MITF: variants seen among roughly 807,000 people sequenced by gnomAD.
MITF encodes melanocyte inducing transcription factor, also known as microphthalmia-associated transcription factor.
Under a neutral mutation model 60.5 loss-of-function variants are expected in MITF, and 17 were observed. The observed-to-expected ratio is 0.28, with a 90% CI of 0.19 to 0.42. The LOEUF (loss-of-function observed/expected upper bound fraction) is 0.42. MITF is among the 10% of genes least tolerant of loss of function. The pLI is 1.00. For synonymous variants in MITF, 260 were observed against 248.5 expected, an observed-to-expected ratio of 1.05 and a Z score of -0.43; for missense variants, 622 against 683.5, an observed-to-expected ratio of 0.91 and a Z score of 1.00.
intron 7 of MITF, among the ~76,000 whole-genome samples, chr3:69,955,467 G>A (rs2066373346): frequency 6.6e-6 from 1 of 151,998 alleles, no homozygotes; most frequent in Admixed American, 6.6e-5. Context: ...ACTAGGCTAG[G>A]GCATGGGTTT....
chr3:69,764,940 G>A (rs1401295946), intron 1 of MITF, among the ~76,000 whole-genome samples: 1 of 152,134 alleles, frequency 6.6e-6, no homozygotes, highest in Non-Finnish European at 1.5e-5. Flanking sequence ...CTGGGCCTCA[G>A]GCTTTCTTAT....
chr3:69,868,739 A>G (rs2064164440), intron 1 of MITF, among the ~76,000 whole-genome samples: 1 of 152,070 alleles, frequency 6.6e-6, no homozygotes, highest in African/African-American at 2.4e-5. Flanking sequence ...TCTCTACTAA[A>G]AATACAAAAA....
intron 1 of MITF, among the ~76,000 whole-genome samples, chr3:69,848,382 A>G (rs2107168020): frequency 6.6e-6 from 1 of 152,326 alleles, no homozygotes; most frequent in South Asian, 2.1e-4. Context: ...GCCATGGAAT[A>G]TTTTAAAGAG....
intron 1 of MITF, among the ~76,000 whole-genome samples, chr3:69,848,957 CTTTTTTTT>C (rs55969316): frequency 7.0e-4 from 51 of 73,302 alleles, no homozygotes; most frequent in African/African-American, 2.1e-3. Context: ...AAAGATTCTT[CTTTTTTTT>C]TTTTTTTTTT....
At chr3:69,831,437 G>A (rs777186672) in intron 1 of MITF, among the ~76,000 whole-genome samples, 1 of 152,114 alleles carries the variant, frequency 6.6e-6, no homozygotes. Flanking sequence ...GTTCTTTGCT[G>A]TGTGCTGTGA....
At chr3:69,822,466 G>A (rs2063291067) in intron 1 of MITF, among the ~76,000 whole-genome samples, 1 of 152,246 alleles carries the variant, frequency 6.6e-6, no homozygotes, top group Non-Finnish European at 1.5e-5. Flanking sequence ...TCCTGGCACT[G>A]TCATAGGCAC....
intron 2 of MITF, among the ~76,000 whole-genome samples, chr3:69,883,710 A>G (rs1348124808): frequency 3.9e-5 from 6 of 152,098 alleles, no homozygotes; most frequent in South Asian, 2.1e-4. Flanking sequence ...GAACAGATGT[A>G]GTGTGTCTCA....
rs770693882 is a variant in MITF at position 69,879,222 on chromosome 3, C to T, written c.193C>T (p.Arg65Cys). 2.5e-6 allele frequency: 4 copies of T among 1,614,096 alleles called. No individual in the cohort carries two copies. Among genetic ancestry groups the T allele is most frequent in the Admixed American group, 1.7e-5 (1 of 60,006 alleles). Residue 65 changes from arginine to cysteine, a missense_variant, in exon 2 of 10, where the codon CGT becomes TGT. Arg to Cys is a radical substitution (Grantham distance 180). This residue lies in a region of MITF where 149 missense variants were observed against 157.8 expected (regional missense o/e 0.94). Coordinates refer to ENST00000352241, the MANE Select transcript of MITF (RefSeq NM_001354604.2). ...SRILLRQQLMREQMQEQERRE... is the reference protein window; with the variant it reads ...SRILLRQQLMCEQMQEQERRE... ...CATCTTGCTACGCCAGCAACTCATG[C>T]GTGAGCAGATGCAGGAGCAGGAGCG...
chr3:69,946,552 A>C (rs1017244667), intron 5 of MITF, among the ~76,000 whole-genome samples: 1 of 152,182 alleles, frequency 6.6e-6, no homozygotes, highest in Non-Finnish European at 1.5e-5. Context: ...AAGATGCCAT[A>C]CACAAAGTGC....
At chr3:69,857,505 G>A (rs1225661940) in intron 1 of MITF, among the ~76,000 whole-genome samples, 1 of 151,074 alleles carries the variant, frequency 6.6e-6, no homozygotes. Flanking sequence ...TTCACATAAG[G>A]CAGAGACGTG....
intron 1 of MITF, among the ~76,000 whole-genome samples, chr3:69,753,331 A>C (rs1265204954): frequency 1.3e-5 from 2 of 152,224 alleles, no homozygotes; most frequent in African/African-American, 4.8e-5. Context: ...GGATGTATGG[A>C]AAAACTTGGA....
At chr3:69,953,829 G>T (rs1342680520) in intron 7 of MITF, among the ~76,000 whole-genome samples, 1 of 151,882 alleles carries the variant, frequency 6.6e-6, no homozygotes, top group African/African-American at 2.4e-5. Context: ...CATCTACCAT[G>T]TATTGCTGAG....
chr3:69,897,944 C>T (rs1038375458), intron 2 of MITF, among the ~76,000 whole-genome samples: 2 of 152,128 alleles, frequency 1.3e-5, no homozygotes, highest in African/African-American at 2.4e-5. Flanking sequence ...AGTTGATATA[C>T]AAAACAAATA....
At chr3:69,807,161 A>G (rs181465870) in intron 1 of MITF, among the ~76,000 whole-genome samples, 2 of 152,226 alleles carry the variant, frequency 1.3e-5, no homozygotes, top group East Asian at 1.9e-4. Flanking sequence ...GATTTCACCT[A>G]TCATGTTGGT....
intron 1 of MITF, among the ~76,000 whole-genome samples, chr3:69,756,501 A>G (rs1206908449): frequency 6.6e-6 from 1 of 151,986 alleles, no homozygotes; most frequent in Non-Finnish European, 1.5e-5. Flanking sequence ...TCCATGGTGT[A>G]TATGTGCTAC....
intron 2 of MITF, among the ~76,000 whole-genome samples, chr3:69,927,378 G>A (rs1575980960): frequency 6.6e-6 from 1 of 152,028 alleles, no homozygotes; most frequent in East Asian, 1.9e-4. Flanking sequence ...GAGGGGTGGG[G>A]GACAAGGGCA....
At chr3:69,908,377 C>A (rs936727608) in intron 2 of MITF, among the ~76,000 whole-genome samples, 4 of 152,106 alleles carry the variant, frequency 2.6e-5, no homozygotes, top group African/African-American at 9.7e-5. Flanking sequence ...TCTTCTACAT[C>A]ATTTATCGCT....
chr3:69,762,581 C>T (rs2062228043), intron 1 of MITF: 1 of 218,944 alleles, frequency 4.6e-6, no homozygotes. Context: ...TCAGGGAATT[C>T]TTTGCACCTT....
chr3:69,816,178 A>G (rs1320607514), intron 1 of MITF, among the ~76,000 whole-genome samples: 1 of 152,078 alleles, frequency 6.6e-6, no homozygotes, highest in Non-Finnish European at 1.5e-5. Flanking sequence ...GCATATACAC[A>G]TTACTATTCA....
Sources: gnomAD v4.1 joint callset for allele counts (sites outside exome capture counted in the v4.1 genomes callset) on GRCh38, gnomAD v4.1.1 for gene constraint, gnomAD v4.1.1 regional missense constraint, MANE v1.5 for transcripts, NCBI Gene and HGNC (gene_info 2026-07-23, HGNC 2026-07-21) for gene names.